PRIM2: variants seen among roughly 807,000 people sequenced by gnomAD.
The protein encoded by PRIM2 is DNA primase large subunit.
A neutral mutation model predicts 67.3 loss-of-function variants in PRIM2; 39 were observed. That is an observed-to-expected ratio of 0.58 (90% CI 0.45 to 0.76). PRIM2 has a LOEUF of 0.76. Ranked by LOEUF, PRIM2 falls within the 30% of genes least tolerant of loss-of-function variation. PRIM2 has a pLI of 0.00. For missense variants in PRIM2, 398 were observed against 598.7 expected (o/e 0.66, Z 3.50); for synonymous variants, 143 against 198.7 (o/e 0.72, Z 2.36).
chr6:57,380,998 G>C (rs1769941365), intron 6 of PRIM2, among the ~76,000 whole-genome samples: 1 of 151,412 alleles, frequency 6.6e-6, no homozygotes, highest in African/African-American at 2.4e-5. Context: ...AGTCTAGTCA[G>C]TATCAGAGCT....
the PRIM2 span, among the ~76,000 whole-genome samples, chr6:57,256,118 A>G: frequency 6.6e-6 from 1 of 152,326 alleles, no homozygotes; most frequent in South Asian, 2.1e-4. Flanking sequence ...CAGCATACTG[A>G]TTACAGTTGT....
rs1305578646 is a variant in PRIM2, at chr6:57,636,735, C to T, written c.1299+4534C>T. Among the ~76,000 whole-genome samples the T allele has an allele frequency of 3.3e-5, 5 of 152,282 alleles. No homozygotes were observed. The East Asian group carries it at 5.8e-4, about 18-fold the overall frequency. On this transcript the variant is annotated intron_variant, in intron 13 of 13. Transcript: ENST00000615550. The stretch of plus-strand genomic sequence containing the variant: ...GTTAATAAAAAAAGATTAATTATCT[C>T]TGAAAAAAAGGCAGTAGCCCCAGTC...
At chr6:57,512,948 T>G (rs1774401632) in intron 8 of PRIM2, among the ~76,000 whole-genome samples, 2 of 151,998 alleles carry the variant, frequency 1.3e-5, no homozygotes, top group South Asian at 4.2e-4. Flanking sequence ...TGCCTTTCCC[T>G]CTCCTCAAAA....
chr6:57,562,837 G>A (rs1775664386), intron 10 of PRIM2, among the ~76,000 whole-genome samples: 1 of 152,172 alleles, frequency 6.6e-6, no homozygotes, highest in South Asian at 2.1e-4. Context: ...AACCTTGAAA[G>A]TATGAAAGTA....
At chr6:57,458,138 T>A (rs1772868860) in intron 7 of PRIM2, among the ~76,000 whole-genome samples, 1 of 152,236 alleles carries the variant, frequency 6.6e-6, no homozygotes, top group Admixed American at 6.5e-5. Flanking sequence ...ACCCACATTA[T>A]TATTTCTTAT....
intron 7 of PRIM2, among the ~76,000 whole-genome samples, chr6:57,432,786 G>T (rs1263914849): frequency 6.6e-6 from 1 of 152,138 alleles, no homozygotes; most frequent in Non-Finnish European, 1.5e-5. Flanking sequence ...TACATAGCAG[G>T]CAGTCAAATA....
the PRIM2 span, among the ~76,000 whole-genome samples, chr6:57,269,577 G>A: frequency 6.6e-6 from 1 of 151,944 alleles, no homozygotes; most frequent in Admixed American, 6.6e-5. Context: ...CCATTCTGTA[G>A]GTTGCCTGTT....
intron 10 of PRIM2, among the ~76,000 whole-genome samples, chr6:57,539,949 G>C (rs1213079506): frequency 6.6e-6 from 1 of 150,668 alleles, no homozygotes; most frequent in East Asian, 1.9e-4. Context: ...AGCTGAGATC[G>C]CACCACTGCA....
the PRIM2 span, among the ~76,000 whole-genome samples, chr6:57,291,901 GC>G: frequency 1.3e-5 from 2 of 152,144 alleles, no homozygotes; most frequent in African/African-American, 4.8e-5. Context: ...TACTGAATAG[GC>G]AAAAACTGGA....
chr6:57,472,398 A>G (rs1302708264), intron 7 of PRIM2, among the ~76,000 whole-genome samples: 6 of 151,682 alleles, frequency 4.0e-5, no homozygotes, highest in Non-Finnish European at 8.8e-5. Context: ...TGTGTCAAAA[A>G]AAAAAAAAAG....
At chr6:57,377,014 T>G (rs1769788594) in intron 5 of PRIM2, among the ~76,000 whole-genome samples, 1 of 151,994 alleles carries the variant, frequency 6.6e-6, no homozygotes, top group African/African-American at 2.4e-5. Context: ...GTAGCTGGGA[T>G]TACAGGCGTG....
At chr6:57,497,378 T>C (rs1400218480) in intron 7 of PRIM2, 13 of 152,194 alleles carry the variant, frequency 8.5e-5, no homozygotes, top group Non-Finnish European at 1.9e-4. Flanking sequence ...AGCGATTGTT[T>C]TACATTTCTA....
At chr6:57,347,937 G>A (rs1768731281) in intron 5 of PRIM2, among the ~76,000 whole-genome samples, 1 of 152,182 alleles carries the variant, frequency 6.6e-6, no homozygotes, top group African/African-American at 2.4e-5. Context: ...TGACATTTAA[G>A]GTGACAGGGC....
chr6:57,412,740 T>C lies in PRIM2; in HGVS notation c.693+30572T>C, dbSNP rs573128096. On this transcript the variant is annotated intron_variant, in intron 7 of 13. Coordinates refer to ENST00000615550, the MANE Select transcript of PRIM2 (RefSeq NM_000947.5). ...TTAGACAAGTCACCCAGAAGAGTTA[T>C]GCAACAGAAATATTAAGAGGAAATA... 9.3e-4 allele frequency among the ~76,000 whole-genome samples: 141 copies of C among 152,156 alleles called. 1 individual carries two copies. The highest frequency in any genetic ancestry group is 3.2e-3 in the African/African-American group (132 of 41,534).
chr6:57,223,629 G>A, the PRIM2 span, among the ~76,000 whole-genome samples: 1 of 151,164 alleles, frequency 6.6e-6, no homozygotes, highest in East Asian at 1.9e-4. Flanking sequence ...TCTGAGAAAA[G>A]AAAAAAAACA....
intron 8 of PRIM2, among the ~76,000 whole-genome samples, chr6:57,521,193 C>T (rs1178549546): frequency 6.6e-6 from 1 of 152,072 alleles, no homozygotes; most frequent in African/African-American, 2.4e-5. Context: ...AAAACCCAAA[C>T]TCATTTCAAT....
chr6:57,280,626 C>A, the PRIM2 span, among the ~76,000 whole-genome samples: 3 of 152,286 alleles, frequency 2.0e-5, no homozygotes, highest in Middle Eastern at 3.4e-3. Flanking sequence ...TCTCCGGCCT[C>A]AGCCTCCTGA....
In PRIM2 at chr6:57,401,652, AC is replaced by A. The variant is rs573961601; in HGVS notation, c.693+19486del. On this transcript the variant is annotated intron_variant, in intron 7 of 13. Coordinates refer to ENST00000615550, the MANE Select transcript of PRIM2 (RefSeq NM_000947.5). Reference sequence around the variant, plus strand: ...CATCTTGGAGACAGCAGAGAAAGGGACCTTAGTAGTGTTTGTGCCAAGGGTC... The same window carrying A: ...CATCTTGGAGACAGCAGAGAAAGGGACTTAGTAGTGTTTGTGCCAAGGGTC... Among the ~76,000 whole-genome samples, 6 of 152,158 alleles carry A rather than the reference AC, an allele frequency of 3.9e-5. No homozygotes were observed. In the South Asian group the frequency reaches 1.2e-3, roughly 32 times the overall value.
At chr6:57,508,243 G>A (rs1554347398) in intron 8 of PRIM2, among the ~76,000 whole-genome samples, 1 of 152,018 alleles carries the variant, frequency 6.6e-6, no homozygotes, top group African/African-American at 2.4e-5. Context: ...TGCCCTTTCT[G>A]TGTTTTTGTT....
Sources: allele counts gnomAD v4.1 joint callset (sites outside exome capture counted in the v4.1 genomes callset), GRCh38; gene constraint gnomAD v4.1.1; transcripts MANE v1.5; gene names NCBI Gene and HGNC (gene_info 2026-07-23, HGNC 2026-07-21).